PCDH9: variants seen among roughly 807,000 people sequenced by gnomAD.
The protein encoded by PCDH9 is protocadherin-9.
PCDH9 carries 24 observed loss-of-function variants against 70.6 expected under a neutral mutation model. The observed-to-expected ratio is 0.34, with a 90% confidence interval of 0.25 to 0.48. The LOEUF is 0.48. Among genes scored for constraint, PCDH9 ranks in the 20% least tolerant of loss-of-function variants. The pLI, the probability that PCDH9 is intolerant of heterozygous loss-of-function variation, is 0.99. For synonymous variants in PCDH9, 562 were observed against 558.5 expected, an observed-to-expected ratio of 1.01 and a Z score of -0.09; for missense variants, 1,281 against 1,503.6, an observed-to-expected ratio of 0.85 and a Z score of 2.45.
At chr13:66,969,796 G>A (rs566279742) in intron 2 of PCDH9, among the ~76,000 whole-genome samples, 7 of 152,038 alleles carry the variant, frequency 4.6e-5, no homozygotes, top group African/African-American at 1.7e-4. Context: ...TCAGTTATGA[G>A]ATTTTCTTCA....
intron 3 of PCDH9, among the ~76,000 whole-genome samples, chr13:66,657,870 A>C (rs1366441697): frequency 6.6e-6 from 1 of 152,164 alleles, no homozygotes; most frequent in Non-Finnish European, 1.5e-5. Context: ...CTACAGTCCA[A>C]TCGGCCCTCT....
chr13:66,693,379 A>G (rs979922656), intron 3 of PCDH9, among the ~76,000 whole-genome samples: 1 of 152,110 alleles, frequency 6.6e-6, no homozygotes, highest in East Asian at 1.9e-4. Context: ...TTGATCTAAG[A>G]TATTTACAGA....
chr13:66,959,629 T>C (rs1259884249), intron 2 of PCDH9, among the ~76,000 whole-genome samples: 1 of 151,788 alleles, frequency 6.6e-6, no homozygotes, highest in African/African-American at 2.4e-5. Flanking sequence ...CACACACTTG[T>C]AGTTCCAGCT....
At chr13:66,761,822 A>T (rs1372878965) in intron 3 of PCDH9, among the ~76,000 whole-genome samples, 2 of 56,240 alleles carry the variant, frequency 3.6e-5, no homozygotes, top group African/African-American at 4.8e-5. Flanking sequence ...GAGCTTCCTT[A>T]AAAAAAATCA....
intron 2 of PCDH9, among the ~76,000 whole-genome samples, chr13:67,156,122 C>G (rs1233118634): frequency 1.3e-5 from 2 of 151,954 alleles, no homozygotes; most frequent in African/African-American, 2.4e-5. Flanking sequence ...TAGGGCTCCA[C>G]CCCCACCGAC....
chr13:66,696,916 C>T (rs2078571389), intron 3 of PCDH9, among the ~76,000 whole-genome samples: 1 of 150,826 alleles, frequency 6.6e-6, no homozygotes, highest in Non-Finnish European at 1.5e-5. Flanking sequence ...GCCTGGGCAA[C>T]ATAGTGAGAC....
intron 3 of PCDH9, among the ~76,000 whole-genome samples, chr13:66,768,485 A>G (rs2079754756): frequency 2.0e-5 from 3 of 152,082 alleles, no homozygotes; most frequent in Non-Finnish European, 4.4e-5. Flanking sequence ...TGAATAGGGT[A>G]TGAAGAATAT....
At chr13:66,900,567 C>T (rs961906191) in intron 3 of PCDH9, among the ~76,000 whole-genome samples, 3 of 151,690 alleles carry the variant, frequency 2.0e-5, no homozygotes, top group African/African-American at 7.3e-5. Flanking sequence ...TTCTCAATAG[C>T]TGATATAACA....
Position 66,970,149 on chromosome 13 carries a change from T to G in PCDH9, c.3037-66544A>C, listed in dbSNP as rs148625889. On this transcript the variant is annotated intron_variant, in intron 2 of 4. Coordinates refer to ENST00000377865, the MANE Select transcript of PCDH9 (RefSeq NM_203487.3). ...AAGTTGTTCCAGGTTGATGCTTCTT[T>G]AAACTGATTAGAATTTCAGAAAATC... 8.1e-3 allele frequency among the ~76,000 whole-genome samples: 1,238 copies of G among 152,180 alleles called. 23 individuals are homozygous for G. The highest frequency in any genetic ancestry group is 0.029 in the African/African-American group (1,190 of 41,532).
chr13:66,889,724 G>A (rs1469832461), intron 3 of PCDH9, among the ~76,000 whole-genome samples: 1 of 152,116 alleles, frequency 6.6e-6, no homozygotes, highest in Non-Finnish European at 1.5e-5. Flanking sequence ...CAGCAGTATA[G>A]AGCCAAAATA....
At chr13:67,080,777 C>G (rs2085968005) in intron 2 of PCDH9, among the ~76,000 whole-genome samples, 1 of 152,160 alleles carries the variant, frequency 6.6e-6, no homozygotes, top group Non-Finnish European at 1.5e-5. Context: ...CAAACAAATA[C>G]AACCAATGCT....
chr13:67,025,780 C>T (rs1323905), intron 2 of PCDH9, among the ~76,000 whole-genome samples: 33,240 of 151,978 alleles, frequency 0.22, 3,977 homozygotes, highest in Admixed American at 0.27. Context: ...TATCAAATTG[C>T]ACTTTATATG....
chr13:67,209,108 C>T (rs991017971), intron 2 of PCDH9: 4 of 152,108 alleles, frequency 2.6e-5, no homozygotes, highest in African/African-American at 9.7e-5. Context: ...AAAGCCAACA[C>T]AATGTATTAC....
intron 3 of PCDH9, among the ~76,000 whole-genome samples, chr13:66,732,095 T>C (rs1208025367): frequency 6.6e-6 from 1 of 151,966 alleles, no homozygotes; most frequent in African/African-American, 2.4e-5. Context: ...GTTTTATTAT[T>C]AGGCAATAGT....
intron 2 of PCDH9, among the ~76,000 whole-genome samples, chr13:66,980,078 CTCTATCTATCTATCTA>C (rs34374674): frequency 1.3e-3 from 185 of 147,128 alleles, no homozygotes; most frequent in South Asian, 1.5e-3. Flanking sequence ...AATTATCCAT[CTCTATCTATCTATCTA>C]TCTATCTATC....
chr13:66,453,690 G>A (rs1376377589), intron 4 of PCDH9, among the ~76,000 whole-genome samples: 1 of 152,156 alleles, frequency 6.6e-6, no homozygotes, highest in African/African-American at 2.4e-5. Context: ...CCATGTTTCT[G>A]CAGTAGTATA....
At chr13:66,617,596 AT>A (rs2077372101) in intron 4 of PCDH9, among the ~76,000 whole-genome samples, 1 of 152,180 alleles carries the variant, frequency 6.6e-6, no homozygotes, top group South Asian at 2.1e-4. Context: ...GAAGCCCAAC[AT>A]GCCGGCAAAA....
intron 4 of PCDH9, among the ~76,000 whole-genome samples, chr13:66,372,981 A>T (rs1467182602): frequency 6.6e-6 from 1 of 151,964 alleles, no homozygotes; most frequent in African/African-American, 2.4e-5. Context: ...TCTGAGTATA[A>T]TACATATCCA....
At chr13:66,719,828 C>G (rs1421052293) in intron 3 of PCDH9, among the ~76,000 whole-genome samples, 2 of 152,070 alleles carry the variant, frequency 1.3e-5, no homozygotes, top group African/African-American at 2.4e-5. Flanking sequence ...GAAAATAAAT[C>G]CAAGTCATTT....
Sources: allele counts gnomAD v4.1 joint callset (sites outside exome capture counted in the v4.1 genomes callset), GRCh38; gene constraint gnomAD v4.1.1; transcripts MANE v1.5; gene names NCBI Gene and HGNC (gene_info 2026-07-23, HGNC 2026-07-21).